The following ASIC2 variants were observed in gnomAD, a reference collection of about 807,000 sequenced individuals.
The protein encoded by ASIC2 is acid sensing ion channel subunit 2, also known as acid-sensing ion channel 2.
A neutral mutation model predicts 57.3 loss-of-function variants in ASIC2; 25 were observed. The observed-to-expected ratio is 0.44, with a 90% CI of 0.32 to 0.61. The LOEUF is 0.61. Among genes scored for constraint, ASIC2 ranks in the 20% least tolerant of loss-of-function variants. The probability of loss-of-function intolerance (pLI) is 0.06; values close to 1 mark genes in which losing one functional copy is unlikely to be tolerated. For missense variants in ASIC2, 641 were observed against 738.1 expected, an observed-to-expected ratio of 0.87 and a Z score of 1.52; for synonymous variants, 319 against 307.5, an observed-to-expected ratio of 1.04 and a Z score of -0.39.
chr17:33,530,164 G>T (rs1915007098), intron 1 of ASIC2: 1 of 152,200 alleles, frequency 6.6e-6, no homozygotes, highest in African/African-American at 2.4e-5. Flanking sequence ...GTAAGAACGA[G>T]GCTCTCTGAA....
At chr17:33,778,688 G>A (rs1246528010) in intron 1 of ASIC2, among the ~76,000 whole-genome samples, 1 of 152,086 alleles carries the variant, frequency 6.6e-6, no homozygotes, top group East Asian at 1.9e-4. Context: ...GGGTAGCATT[G>A]GGCAAGTGAC....
intron 2 of ASIC2, among the ~76,000 whole-genome samples, chr17:33,102,991 G>A (rs1050254461): frequency 5.3e-5 from 8 of 152,224 alleles, no homozygotes; most frequent in African/African-American, 1.2e-4. Context: ...CACCATGTTC[G>A]CCAGGATGGT....
chr17:33,664,498 A>C (rs1005499554), intron 1 of ASIC2, among the ~76,000 whole-genome samples: 1 of 152,214 alleles, frequency 6.6e-6, no homozygotes, highest in African/African-American at 2.4e-5. Flanking sequence ...GAGAAGATAA[A>C]ATGAGAATTC....
At chr17:33,945,567 A>T (rs1409101325) in intron 1 of ASIC2, among the ~76,000 whole-genome samples, 1 of 152,180 alleles carries the variant, frequency 6.6e-6, no homozygotes, top group African/African-American at 2.4e-5. Flanking sequence ...AAGCAGATTA[A>T]GCGGGCAGTT....
intron 3 of ASIC2, among the ~76,000 whole-genome samples, chr17:33,081,851 C>G (rs2092114238): frequency 6.6e-6 from 1 of 152,164 alleles, no homozygotes; most frequent in South Asian, 2.1e-4. Context: ...ATACCAGAGG[C>G]AGAGGCTTAG....
At chr17:33,419,548 C>T (rs930026378) in intron 1 of ASIC2, among the ~76,000 whole-genome samples, 4 of 152,168 alleles carry the variant, frequency 2.6e-5, no homozygotes, top group South Asian at 2.1e-4. Context: ...TGGATACCAG[C>T]ATTTCAGGTC....
chr17:33,874,007 A>G (rs1914487461), intron 1 of ASIC2, among the ~76,000 whole-genome samples: 1 of 152,238 alleles, frequency 6.6e-6, no homozygotes, highest in East Asian at 1.9e-4. Context: ...TTCTCATCTC[A>G]GAAGACTTTG....
chr17:33,169,136 C>A (rs971648080), intron 1 of ASIC2, among the ~76,000 whole-genome samples: 1 of 152,194 alleles, frequency 6.6e-6, no homozygotes, highest in Non-Finnish European at 1.5e-5. Context: ...TCTGCTGCCC[C>A]AGCTATGGCT....
rs552466242 is a variant in ASIC2 at position 33,987,090 on chromosome 17, C to A, written c.555+168888G>T. Among the ~76,000 whole-genome samples, 7 of 152,332 alleles carry A rather than the reference C, an allele frequency of 4.6e-5. No homozygotes were observed. The South Asian group carries it at 1.4e-3, about 32-fold the overall frequency. On this transcript the variant is annotated intron_variant, in intron 1 of 9. Coordinates refer to the ASIC2 transcript ENST00000359872. The stretch of plus-strand genomic sequence containing the variant: ...AATTCCTAGAACCCTATGGACCTCA[C>A]TTTACAGATGAGGAAGCTAAGGCAA...
intron 1 of ASIC2, among the ~76,000 whole-genome samples, chr17:33,800,418 T>C (rs563584135): frequency 9.9e-5 from 15 of 152,254 alleles, no homozygotes; most frequent in South Asian, 4.1e-4. Flanking sequence ...CACCTGCCTT[T>C]GGTGTGTACG....
At chr17:34,052,240 G>GCC (rs1256058895) in intron 1 of ASIC2, among the ~76,000 whole-genome samples, 2 of 152,098 alleles carry the variant, frequency 1.3e-5, no homozygotes, top group Admixed American at 1.3e-4. Context: ...AGACCTTATT[G>GCC]CCCCTGAGCC....
chr17:33,194,038 G>A (rs1166066529), intron 1 of ASIC2, among the ~76,000 whole-genome samples: 1 of 152,086 alleles, frequency 6.6e-6, no homozygotes. Flanking sequence ...CAGGGGGAGG[G>A]CCGTATTCAA....
intron 1 of ASIC2, among the ~76,000 whole-genome samples, chr17:33,517,907 C>T (rs988998657): frequency 2.0e-5 from 3 of 152,072 alleles, no homozygotes; most frequent in African/African-American, 7.2e-5. Flanking sequence ...CTAGACCAAG[C>T]CTGTTGCAAT....
chr17:33,398,754 C>A (rs936379365), intron 1 of ASIC2, among the ~76,000 whole-genome samples: 1 of 152,124 alleles, frequency 6.6e-6, no homozygotes, highest in African/African-American at 2.4e-5. Context: ...AACATGATTG[C>A]CACCTTTTTC....
chr17:33,322,124 G>A (rs1000527808), intron 1 of ASIC2, among the ~76,000 whole-genome samples: 3 of 152,194 alleles, frequency 2.0e-5, no homozygotes, highest in South Asian at 4.1e-4. Flanking sequence ...TCTTGAACAC[G>A]TGGGAGTGGA....
intron 2 of ASIC2, among the ~76,000 whole-genome samples, chr17:33,104,792 G>A (rs1402139306): frequency 6.6e-6 from 1 of 152,178 alleles, no homozygotes; most frequent in South Asian, 2.1e-4. Flanking sequence ...TTTAGTGGAG[G>A]GAGCATCCCT....
At chr17:33,286,639 C>T (rs1905208282) in intron 1 of ASIC2, among the ~76,000 whole-genome samples, 1 of 152,166 alleles carries the variant, frequency 6.6e-6, no homozygotes, top group South Asian at 2.1e-4. Flanking sequence ...ACCCTGAAGT[C>T]CTCTTTCTCT....
At chr17:33,450,208 T>C (rs1407637921) in intron 1 of ASIC2, among the ~76,000 whole-genome samples, 1 of 152,246 alleles carries the variant, frequency 6.6e-6, no homozygotes, top group Non-Finnish European at 1.5e-5. Flanking sequence ...AACTTATGTT[T>C]AGGCACGCTC....
chr17:34,108,531 T>C (rs113723258), intron 1 of ASIC2, among the ~76,000 whole-genome samples: 4,610 of 152,294 alleles, frequency 0.03, 99 homozygotes, highest in Middle Eastern at 0.065. Context: ...AAGTTTACTA[T>C]GACTTGTTTA....
Sources: allele counts gnomAD v4.1 joint callset (sites outside exome capture counted in the v4.1 genomes callset), GRCh38; gene constraint gnomAD v4.1.1; transcripts MANE v1.5; gene names NCBI Gene and HGNC (gene_info 2026-07-23, HGNC 2026-07-21).